Variants in CEBPZ observed in about 807,000 individuals in gnomAD.
The protein encoded by CEBPZ is CCAAT/enhancer-binding protein zeta.
Under a neutral mutation model 104.5 loss-of-function variants are expected in CEBPZ, and 78 were observed. The ratio of observed to expected loss-of-function variants is 0.75; its 90% CI spans 0.62 to 0.90. The LOEUF is 0.90. CEBPZ is among the 40% of genes least tolerant of loss of function. CEBPZ has a pLI of 0.00. For synonymous variants in CEBPZ, 470 were observed against 427.0 expected, an observed-to-expected ratio of 1.10 and a Z score of -1.24; for missense variants, 1,439 against 1,233.5, an observed-to-expected ratio of 1.17 and a Z score of -2.50.
At position 37,216,398 on chromosome 2, in the gene CEBPZ, T is replaced by C. The variant is rs756690383; in HGVS notation, c.2229A>G (p.Ser743=). 1.2e-6 allele frequency: 2 copies of C among 1,612,548 alleles called. No individual in the cohort carries two copies. Among genetic ancestry groups the C allele is most frequent in the Non-Finnish European group, 8.5e-7 (1 of 1,179,188 alleles). ...TILQGNYIQY[S]GDPLQDFTLM... Reference sequence around the variant, plus strand: ...GAGTGAAATCCTGCAGTGGGTCCCCTGAATACTGAATATAGTTTCCCTGAA... The same window carrying C: ...GAGTGAAATCCTGCAGTGGGTCCCCCGAATACTGAATATAGTTTCCCTGAA... The change falls in exon 7 of 16, where the codon TCA becomes TCG. Residue 743 remains serine (S), a synonymous_variant. Transcript: ENST00000234170.
At chr2:37,212,867 C>CAAAAAA (rs749522819) in intron 10 of CEBPZ, among the ~76,000 whole-genome samples, 1 of 117,248 alleles carries the variant, frequency 8.5e-6, no homozygotes, top group Non-Finnish European at 1.8e-5. Flanking sequence ...ACAACAACAA[C>CAAAAAA]AAAAAAAAAA....
At chr2:37,211,228 C>G in intron 12 of CEBPZ, 146 bp from the exon 13 acceptor site, 1 of 486,708 alleles carries the variant, frequency 2.1e-6, no homozygotes, top group Non-Finnish European at 3.6e-6. Context: ...CTAGCATAGG[C>G]TTGAGGACAG....
chr2:37,202,993 T>A lies in CEBPZ; in HGVS notation c.2900A>T (p.Lys967Ile), dbSNP rs761830085. 1 of 1,552,368 alleles carries A rather than the reference T, an allele frequency of 6.4e-7. No individual in the cohort carries two copies. The highest frequency in any genetic ancestry group is 8.7e-7 in the Non-Finnish European group (1 of 1,153,354). The change falls in exon 14 of 16, where the codon AAA becomes ATA. Residue 967 changes from lysine (K) to isoleucine (I), a missense_variant. Coordinates refer to ENST00000234170, the MANE Select transcript of CEBPZ (RefSeq NM_005760.3). ...AGSFQGPRKK[K>I]RNLNDSSLFV... ...TAGGCTGGAATCATTTAAGTTTCTT[T>A]TCTTTTTTCTTGGCCCTAAAAAAAA...
rs1192374900 is a variant in CEBPZ at position 37,228,181 on chromosome 2, G to C, written c.1012C>G (p.Gln338Glu). The C allele has an allele frequency of 1.2e-6, 2 of 1,614,042 alleles. No homozygotes were observed. Among genetic ancestry groups the C allele is most frequent in the Non-Finnish European group, 1.7e-6 (2 of 1,180,042 alleles). ...AATTCAGCCACTAAGTGTTTCAGCT[G>C]GTGTTCAAAATACCATAATATCAGT... is the stretch of plus-strand genomic sequence containing the variant. ...RRLILWYFEH[Q>E]LKHLVAEFVQ... Residue 338 changes from glutamine to glutamate, a missense_variant, in exon 2 of 16, where the codon CAG becomes GAG. Coordinates refer to ENST00000234170, the MANE Select transcript of CEBPZ (RefSeq NM_005760.3).
chr2:37,220,145 C>A (rs981887873), intron 5 of CEBPZ, among the ~76,000 whole-genome samples: 1 of 151,636 alleles, frequency 6.6e-6, no homozygotes, highest in African/African-American at 2.4e-5. Flanking sequence ...GGTGAAACCC[C>A]GTCTCTACTA....
intron 15 of CEBPZ, chr2:37,202,567 C>G: frequency 2.8e-6 from 1 of 358,774 alleles, no homozygotes; most frequent in Non-Finnish European, 4.9e-6. Context: ...ATTACTTGAA[C>G]ATGGGAGATG....
intron 2 of CEBPZ, among the ~76,000 whole-genome samples, chr2:37,226,927 C>T (rs1572509252): frequency 1.3e-5 from 2 of 152,084 alleles, no homozygotes; most frequent in Admixed American, 1.3e-4. Flanking sequence ...CAAAAAAAAC[C>T]CTGCACCCTG....
intron 13 of CEBPZ, among the ~76,000 whole-genome samples, chr2:37,206,358 T>C (rs937753265): frequency 1.3e-5 from 2 of 152,228 alleles, no homozygotes; most frequent in Non-Finnish European, 2.9e-5. Flanking sequence ...TAAATCTTTG[T>C]TTTTTGTTTC....
Position 37,216,191 on chromosome 2 carries a change from C to T in CEBPZ, c.2329G>A (p.Val777Met). The T allele has an allele frequency of 1.9e-6, 3 of 1,613,186 alleles. No homozygotes were observed. The highest frequency in any genetic ancestry group is 2.5e-6 in the Non-Finnish European group (3 of 1,179,488). The change falls in exon 8 of 16, where the codon GTG becomes ATG. Residue 777 changes from valine to methionine, a missense_variant. Transcript: ENST00000234170. ...HKGKENTDSV[V>M]MQPKRKHFIK... The stretch of plus-strand genomic sequence containing the variant: ...AAATGTTTTCTTTTCGGCTGCATCA[C>T]AACACTATCTGTGTTTTCTGAAATG...
intron 1 of CEBPZ, among the ~76,000 whole-genome samples, chr2:37,229,244 CTTT>C (rs764912658): frequency 1.8e-4 from 27 of 152,104 alleles, no homozygotes; most frequent in Non-Finnish European, 3.1e-4. Context: ...CGCACACACA[CTTT>C]TTATTTCGAT....
intron 13 of CEBPZ, chr2:37,203,740 G>T (rs1484943248): frequency 1.3e-5 from 2 of 152,136 alleles, no homozygotes; most frequent in Non-Finnish European, 2.9e-5. Flanking sequence ...ACCCATCTCC[G>T]ATCTATCTTG....
chr2:37,202,472 C>G (rs889062893), intron 15 of CEBPZ: 3 of 196,798 alleles, frequency 1.5e-5, no homozygotes, highest in African/African-American at 4.7e-5. Context: ...TGGTGAAACC[C>G]TGTTTCTACT....
In CEBPZ at chr2:37,213,913, A is replaced by G. The variant is rs147292017; in HGVS notation, c.2496T>C (p.Asp832=). 2 of 1,596,454 alleles carry G rather than the reference A, an allele frequency of 1.3e-6. No individual in the cohort carries two copies. Among genetic ancestry groups the G allele is most frequent in the Non-Finnish European group, 1.7e-6 (2 of 1,174,674 alleles). ...AVKEKQKRDA[D]EESIEDVDDE... is the part of the protein sequence containing the mutation. ...CATCCACGTCTTCTATACTTTCTTCATCTGCATCCCGTTTTTGTTTCTCTT... is the reference window on the plus strand; with the variant it reads ...CATCCACGTCTTCTATACTTTCTTCGTCTGCATCCCGTTTTTGTTTCTCTT... Residue 832 remains aspartate (D), a synonymous_variant, in exon 10 of 16, where the codon GAT becomes GAC. Transcript: ENST00000234170.
chr2:37,222,666 G>A, intron 3 of CEBPZ, 103 bp from the exon 4 acceptor site: 1 of 722,848 alleles, frequency 1.4e-6, no homozygotes, highest in Non-Finnish European at 2.1e-6. Flanking sequence ...TGCAACTCTG[G>A]TGAAACGTGA....
At chr2:37,209,044 T>A in intron 13 of CEBPZ, 1 of 37,752 alleles carries the variant, frequency 2.6e-5, no homozygotes, top group African/African-American at 2.0e-4. Flanking sequence ...TTACAACACC[T>A]GCCAAAAAAA....
intron 2 of CEBPZ, 62 bp downstream of exon 2, chr2:37,227,482 G>C: frequency 6.7e-7 from 1 of 1,490,852 alleles, no homozygotes; most frequent in Non-Finnish European, 8.9e-7. Flanking sequence ...AGAGGGCACT[G>C]CTTGTGCTGT....
chr2:37,203,169 G>C lies in CEBPZ; in HGVS notation c.2885-161C>G, dbSNP rs1330467229. On this transcript the variant is annotated intron_variant, in intron 13 of 15. Coordinates refer to ENST00000234170, the MANE Select transcript of CEBPZ (RefSeq NM_005760.3). ...GCTGGCATTTAAATATAATTTAAGA[G>C]TTAGTATATAATATTTTCAAAAAGC... 1.6e-5 allele frequency: 8 copies of C among 491,740 alleles called. 1 individual carries two copies. Among genetic ancestry groups the C allele is most frequent in the East Asian group, 1.3e-4 (4 of 29,700 alleles). The allele number at this position is 491,740 out of a possible 1,614,324, so 30.5% of individuals were successfully genotyped here.
chr2:37,212,311 AAGG>A (rs1677747193), intron 11 of CEBPZ, 21 bp downstream of exon 11: 4 of 1,600,074 alleles, frequency 2.5e-6, no homozygotes, highest in Middle Eastern at 1.7e-4. Context: ...GAAAAATAGG[AAGG>A]AGAAGATAGA....
In CEBPZ at chr2:37,216,380, A is replaced by G; in HGVS notation, c.2247T>C (p.Asp749=). 2 of 1,613,890 alleles carry G rather than the reference A, an allele frequency of 1.2e-6. No individual in the cohort carries two copies. The highest frequency in any genetic ancestry group is 1.7e-6 in the Non-Finnish European group (2 of 1,179,926). The change falls in exon 7 of 16, where the codon GAT becomes GAC. Residue 749 remains aspartate, a synonymous_variant. Coordinates refer to ENST00000234170, the MANE Select transcript of CEBPZ (RefSeq NM_005760.3). ...YIQYSGDPLQ[D]FTLMRFLDRF... ...GATCCAAAAATCTCATTAGAGTGAA[A>G]TCCTGCAGTGGGTCCCCTGAATACT...
Sources: gnomAD v4.1 joint callset for allele counts (sites outside exome capture counted in the v4.1 genomes callset) on GRCh38, gnomAD v4.1.1 for gene constraint, MANE v1.5 for transcripts, NCBI Gene and HGNC (gene_info 2026-07-23, HGNC 2026-07-21) for gene names.